Variants in ODAD2 observed in about 807,000 individuals in gnomAD.
ODAD2 encodes the protein outer dynein arm-docking complex subunit 2.
Under a neutral mutation model 106.8 loss-of-function variants are expected in ODAD2, and 89 were observed. The ratio of observed to expected loss-of-function variants is 0.83; its 90% CI spans 0.70 to 0.99. The LOEUF (loss-of-function observed/expected upper bound fraction) is 0.99. Among genes scored for constraint, ODAD2 ranks in the 50% least tolerant of loss-of-function variants. The pLI, the probability that ODAD2 is intolerant of heterozygous loss-of-function variation, is 0.00. For missense variants in ODAD2, 1,168 were observed against 1,238.5 expected, an observed-to-expected ratio of 0.94 and a Z score of 0.85; for synonymous variants, 404 against 436.2, an observed-to-expected ratio of 0.93 and a Z score of 0.92.
intron 17 of ODAD2, among the ~76,000 whole-genome samples, chr10:27,892,684 G>T (rs985514020): frequency 1.1e-4 from 17 of 152,138 alleles, no homozygotes; most frequent in African/African-American, 4.1e-4. Flanking sequence ...CATTCCATTT[G>T]TTTTATGCAT....
chr10:27,935,841 CAT>C (rs768182225), intron 15 of ODAD2, among the ~76,000 whole-genome samples: 22 of 150,410 alleles, frequency 1.5e-4, no homozygotes, highest in East Asian at 3.9e-4. Flanking sequence ...CATATGTATG[CAT>C]ATATATATAT....
intron 17 of ODAD2, among the ~76,000 whole-genome samples, chr10:27,893,171 G>T (rs1842667617): frequency 6.6e-6 from 1 of 151,026 alleles, no homozygotes; most frequent in Non-Finnish European, 1.5e-5. Context: ...AAAAAAAGAA[G>T]AAGAAAAGAA....
chr10:27,876,060 C>T (rs886679940), intron 17 of ODAD2, among the ~76,000 whole-genome samples: 8 of 152,176 alleles, frequency 5.3e-5, no homozygotes, highest in African/African-American at 9.7e-5. Flanking sequence ...GCTCGAACTG[C>T]GTGGAGCCCA....
In ODAD2 at chr10:27,879,445, A is replaced by T. The variant is rs999600352; in HGVS notation, c.2611-16823T>A. On this transcript the variant is annotated intron_variant, in intron 17 of 19. Coordinates refer to ENST00000305242, the MANE Select transcript of ODAD2 (RefSeq NM_018076.5). ...TATATAGGAATATATGTATATATTA[A>T]ATAATTTAAAATGTATATATATTTA... Among the ~76,000 whole-genome samples the T allele has an allele frequency of 3.9e-4, 59 of 151,498 alleles. 1 individual carries two copies. The highest frequency in any genetic ancestry group is 3.7e-3 in the Admixed American group (56 of 15,178).
At chr10:27,846,334 A>C (rs1449667263) in intron 19 of ODAD2, among the ~76,000 whole-genome samples, 1 of 152,282 alleles carries the variant, frequency 6.6e-6, no homozygotes, top group African/African-American at 2.4e-5. Context: ...CTGGGTACAT[A>C]ATGAAATGAA....
chr10:27,840,278 G>A (rs1440594271), intron 19 of ODAD2, among the ~76,000 whole-genome samples: 1 of 152,038 alleles, frequency 6.6e-6, no homozygotes, highest in African/African-American at 2.4e-5. Context: ...GCATATATTT[G>A]ACTCTAAAAC....
chr10:27,910,995 T>C (rs931297670), intron 16 of ODAD2, among the ~76,000 whole-genome samples: 1 of 152,162 alleles, frequency 6.6e-6, no homozygotes, highest in African/African-American at 2.4e-5. Context: ...TAAATATAGA[T>C]TGTTGAATCA....
chr10:27,971,455 A>AAC (rs1848857171), intron 7 of ODAD2, 142 bp from the exon 8 acceptor site: 1 of 682,284 alleles, frequency 1.5e-6, no homozygotes, highest in Admixed American at 3.0e-5. Flanking sequence ...AAACAAGGAC[A>AAC]ACATCAAGAC....
intron 17 of ODAD2, among the ~76,000 whole-genome samples, chr10:27,864,136 T>C (rs969052467): frequency 2.0e-5 from 3 of 151,478 alleles, no homozygotes; most frequent in Non-Finnish European, 2.9e-5. Flanking sequence ...GAAGTGGTGA[T>C]GGTTTGGGGG....
intron 19 of ODAD2, among the ~76,000 whole-genome samples, chr10:27,832,251 T>C (rs1275775213): frequency 1.3e-5 from 2 of 152,250 alleles, no homozygotes; most frequent in African/African-American, 4.8e-5. Context: ...AACTTATTAA[T>C]CACTCTTTTG....
intron 7 of ODAD2, among the ~76,000 whole-genome samples, chr10:27,973,228 C>T (rs527594706): frequency 6.6e-6 from 1 of 151,942 alleles, no homozygotes; most frequent in East Asian, 1.9e-4. Context: ...TACATACATA[C>T]ATACATACAT....
chr10:27,984,347 C>T, intron 4 of ODAD2, 57 bp from the exon 5 acceptor site: 1 of 1,113,372 alleles, frequency 9.0e-7, no homozygotes, highest in Non-Finnish European at 1.3e-6. Flanking sequence ...CTAGGAAACA[C>T]ATGAACACAT....
intron 18 of ODAD2, among the ~76,000 whole-genome samples, 168 bp downstream of exon 18, chr10:27,862,266 A>G (rs576789314): frequency 1.3e-5 from 2 of 152,346 alleles, no homozygotes; most frequent in African/African-American, 4.8e-5. Context: ...ACGCTTTCAC[A>G]TATATTAGTC....
In ODAD2 at chr10:27,944,566, C is replaced by G. The variant is rs1030205576; in HGVS notation, c.1534-135G>C. 10 of 843,018 alleles carry G rather than the reference C, an allele frequency of 1.2e-5. No individual in the cohort carries two copies. In the Admixed American group the frequency reaches 2.7e-4, roughly 23 times the overall value. 52.2% of individuals were successfully genotyped at this position (843,018 alleles called of 1,614,324 possible). On this transcript the variant is annotated intron_variant, in intron 11 of 19. Coordinates refer to ENST00000305242, the MANE Select transcript of ODAD2 (RefSeq NM_018076.5). Reference sequence around the variant, plus strand: ...TTCCATTCCCAGAGGTTACACACATCTGGCATATTCTCTTTCATTTAAGTA... The same window carrying G: ...TTCCATTCCCAGAGGTTACACACATGTGGCATATTCTCTTTCATTTAAGTA...
intron 17 of ODAD2, among the ~76,000 whole-genome samples, chr10:27,868,078 A>G (rs1402369175): frequency 3.9e-5 from 6 of 152,228 alleles, no homozygotes; most frequent in Admixed American, 3.3e-4. Flanking sequence ...AACATGAAAA[A>G]AAGCTAAATA....
chr10:27,849,715 G>A (rs1839099796), intron 19 of ODAD2, among the ~76,000 whole-genome samples: 1 of 152,098 alleles, frequency 6.6e-6, no homozygotes, highest in Non-Finnish European at 1.5e-5. Context: ...AAGATAATCT[G>A]ATTTTGCAAA....
At chr10:27,894,394 C>T (rs1200520244) in intron 17 of ODAD2, among the ~76,000 whole-genome samples, 1 of 151,618 alleles carries the variant, frequency 6.6e-6, no homozygotes, top group African/African-American at 2.4e-5. Flanking sequence ...CCCACTAATC[C>T]AAAAGGCAGT....
In ODAD2 at chr10:27,995,017, G is replaced by T. The variant is rs1394621534; in HGVS notation, c.126C>A (p.Ile42=). The change falls in exon 2 of 20, where the codon ATC becomes ATA. Residue 42 remains isoleucine, a synonymous_variant. Coordinates refer to ENST00000305242, the MANE Select transcript of ODAD2 (RefSeq NM_018076.5). The part of the protein sequence containing the change: ...KEIIVFVESF[I]YKHPQEAKFV... ...ATTTTGCCTCTTGAGGATGTTTATA[G>T]ATAAAACTCTCCACAAACACAATAA... The T allele has an allele frequency of 3.7e-6, 6 of 1,614,154 alleles. No individual in the cohort carries two copies. Among genetic ancestry groups the T allele is most frequent in the Non-Finnish European group, 5.1e-6 (6 of 1,180,014 alleles).
At chr10:27,815,899 T>C (rs991996721) in intron 19 of ODAD2, among the ~76,000 whole-genome samples, 7 of 152,208 alleles carry the variant, frequency 4.6e-5, no homozygotes, top group Non-Finnish European at 5.9e-5. Context: ...CACTTGGAAG[T>C]CTCACAGCCA....
Sources: allele counts gnomAD v4.1 joint callset (sites outside exome capture counted in the v4.1 genomes callset), GRCh38; gene constraint gnomAD v4.1.1; transcripts MANE v1.5; gene names NCBI Gene and HGNC (gene_info 2026-07-23, HGNC 2026-07-21).